The following MAN1C1 variants were observed in gnomAD, a reference collection of about 807,000 sequenced individuals.
MAN1C1 encodes mannosidase alpha class 1C member 1.
MAN1C1 carries 49 observed loss-of-function variants against 71.5 expected under a neutral mutation model. The ratio of observed to expected loss-of-function variants is 0.69; its 90% CI spans 0.54 to 0.87. MAN1C1 has a LOEUF of 0.87. Among genes scored for constraint, MAN1C1 ranks in the 40% least tolerant of loss-of-function variants. The probability of loss-of-function intolerance (pLI) is 0.00; values close to 1 mark genes in which losing one functional copy is unlikely to be tolerated. For missense variants in MAN1C1, 743 were observed against 835.0 expected, an observed-to-expected ratio of 0.89 and a Z score of 1.36; for synonymous variants, 352 against 343.7, an observed-to-expected ratio of 1.02 and a Z score of -0.27.
rs1417028304 is a variant in MAN1C1 at position 25,778,222 on chromosome 1, A to G, written c.1375A>G (p.Ile459Val). The change falls in exon 9 of 12, where the codon ATC becomes GTC. Residue 459 changes from isoleucine to valine, a missense_variant. Coordinates refer to ENST00000374332, the MANE Select transcript of MAN1C1 (RefSeq NM_020379.4). The surrounding 1 kb of genome is among the most constrained non-coding windows in gnomAD (Gnocchi z 5.5). ...GHLACFSGGMIALGAEDAKEE... is the reference protein window; with the variant it reads ...GHLACFSGGMVALGAEDAKEE... ...CCTGGCCTGTTTCTCCGGGGGCATGATCGCCCTTGGCGCCGAGGATGCCAA... is the reference window on the plus strand; with the variant it reads ...CCTGGCCTGTTTCTCCGGGGGCATGGTCGCCCTTGGCGCCGAGGATGCCAA... 4 of 1,613,980 alleles carry G rather than the reference A, an allele frequency of 2.5e-6. No homozygotes were observed. The Admixed American group carries it at 6.7e-5, about 27-fold the overall frequency.
chr1:25,745,022 C>T (rs1257059686), intron 2 of MAN1C1, among the ~76,000 whole-genome samples: 1 of 152,214 alleles, frequency 6.6e-6, no homozygotes, highest in Non-Finnish European at 1.5e-5. Context: ...TGGGAGGCGC[C>T]ACCTCTTTCA....
In MAN1C1 at chr1:25,617,661, C is replaced by T. The variant is rs1350062728; in HGVS notation, c.-137C>T. 3.9e-5 allele frequency: 26 copies of T among 666,424 alleles called. No homozygotes were observed. The East Asian group carries it at 8.2e-4, about 21-fold the overall frequency. The allele number at this position is 666,424 out of a possible 1,614,324, so 41.3% of individuals were successfully genotyped here. On this transcript the variant is annotated 5_prime_UTR_variant, in exon 1 of 12. Transcript: ENST00000374332. This position sits in a 1 kb window ranked among gnomAD's most constrained non-coding sequence, Gnocchi z 5.1. Reference sequence around the variant, plus strand: ...GAACTTCGGGGACAGTCCCCCGAAGCGGCGAAACTCTCAGGGTTGGCAACC... The same window carrying T: ...GAACTTCGGGGACAGTCCCCCGAAGTGGCGAAACTCTCAGGGTTGGCAACC...
At chr1:25,637,656 A>G (rs2045481818) in intron 1 of MAN1C1, among the ~76,000 whole-genome samples, 1 of 151,862 alleles carries the variant, frequency 6.6e-6, no homozygotes, top group Non-Finnish European at 1.5e-5. Flanking sequence ...ATTGCTTTCC[A>G]ACTCTAATTA....
chr1:25,749,160 G>A (rs866582908), intron 3 of MAN1C1, 95 bp from the exon 4 acceptor site: 12 of 993,720 alleles, frequency 1.2e-5, no homozygotes, highest in Middle Eastern at 2.9e-4. Flanking sequence ...CCGGGGACAG[G>A]TATGGGAGGA....
rs1361772991 is a variant in MAN1C1, at chr1:25,753,044, G to A, written c.835-440G>A. ...GTATCGTAGTCCTGCAGTGTGGGCA[G>A]GCATTGACCTTTGGAGACCGGCCCG... On this transcript the variant is annotated intron_variant, in intron 4 of 11. Transcript: ENST00000374332. This position sits in a 1 kb window ranked among gnomAD's most constrained non-coding sequence, Gnocchi z 4.9. Among the ~76,000 whole-genome samples the A allele has an allele frequency of 6.6e-6, 1 of 152,190 alleles. No individual in the cohort carries two copies. Among genetic ancestry groups the A allele is most frequent in the Non-Finnish European group, 1.5e-5 (1 of 68,042 alleles).
intron 7 of MAN1C1, among the ~76,000 whole-genome samples, chr1:25,767,523 C>A (rs1219913372): frequency 1.5e-5 from 2 of 134,968 alleles, no homozygotes; most frequent in Admixed American, 7.4e-5. Context: ...TTACATACTA[C>A]ATACACTCCT....
At chr1:25,656,937 C>T (rs1461257484) in intron 1 of MAN1C1, among the ~76,000 whole-genome samples, 1 of 151,940 alleles carries the variant, frequency 6.6e-6, no homozygotes, top group African/African-American at 2.4e-5. Flanking sequence ...ACCGTTCTCC[C>T]GCCTCAGCCT....
chr1:25,673,300 C>G (rs759068239), intron 1 of MAN1C1, among the ~76,000 whole-genome samples: 1 of 152,104 alleles, frequency 6.6e-6, no homozygotes, highest in Non-Finnish European at 1.5e-5. Context: ...TGTAACTGAT[C>G]CTTGCAGCAC....
At chr1:25,700,011 G>A (rs1001824816) in intron 2 of MAN1C1, among the ~76,000 whole-genome samples, 7 of 152,186 alleles carry the variant, frequency 4.6e-5, no homozygotes, top group Non-Finnish European at 5.9e-5. Flanking sequence ...AAGAGAGCCC[G>A]GAGGAAGACA....
chr1:25,676,592 G>T (rs951505340), intron 1 of MAN1C1, among the ~76,000 whole-genome samples: 1 of 152,204 alleles, frequency 6.6e-6, no homozygotes, highest in Non-Finnish European at 1.5e-5. Flanking sequence ...TGTCTACATA[G>T]TCATTAGATC....
chr1:25,741,033 T>A (rs1557787594), intron 2 of MAN1C1, among the ~76,000 whole-genome samples: 1 of 151,980 alleles, frequency 6.6e-6, no homozygotes, highest in East Asian at 1.9e-4. Flanking sequence ...TTGGTGTTAA[T>A]CAAGATGGGG....
intron 1 of MAN1C1, among the ~76,000 whole-genome samples, chr1:25,633,095 G>C (rs1039832564): frequency 3.3e-5 from 5 of 151,944 alleles, no homozygotes; most frequent in Admixed American, 6.6e-5. Flanking sequence ...CTTGATCTCT[G>C]ACCTCATGAT....
intron 2 of MAN1C1, among the ~76,000 whole-genome samples, chr1:25,704,416 A>T (rs535045392): frequency 6.6e-6 from 1 of 152,346 alleles, no homozygotes; most frequent in African/African-American, 2.4e-5. Context: ...CCAATCCCAG[A>T]CAGCAGGACC....
At chr1:25,660,759 T>C (rs2045836187) in intron 1 of MAN1C1, among the ~76,000 whole-genome samples, 1 of 151,392 alleles carries the variant, frequency 6.6e-6, no homozygotes, top group African/African-American at 2.4e-5. Context: ...GGTGCAGTCA[T>C]GGCTCACTGC....
At chr1:25,768,368 T>C (rs1334257666) in intron 7 of MAN1C1, among the ~76,000 whole-genome samples, 84 of 32,210 alleles carry the variant, frequency 2.6e-3, no homozygotes, top group Admixed American at 4.4e-3. Context: ...TTACATACAC[T>C]CCCCCCACAC....
intron 7 of MAN1C1, among the ~76,000 whole-genome samples, chr1:25,768,480 C>T (rs2047489463): frequency 8.1e-6 from 1 of 123,756 alleles, no homozygotes; most frequent in Admixed American, 8.1e-5. Context: ...ACACATTACA[C>T]ACTCCCCCAC....
chr1:25,754,546 G>C (rs1206028541), intron 5 of MAN1C1, among the ~76,000 whole-genome samples: 1 of 152,086 alleles, frequency 6.6e-6, no homozygotes, highest in Admixed American at 6.5e-5. Context: ...GGAGGGGGGT[G>C]CTCTCGGGGG....
intron 2 of MAN1C1, among the ~76,000 whole-genome samples, chr1:25,740,117 T>C (rs2124321791): frequency 6.6e-6 from 1 of 152,186 alleles, no homozygotes; most frequent in Non-Finnish European, 1.5e-5. Flanking sequence ...AGCAGATCCG[T>C]GCGTGATGCC....
At chr1:25,723,017 CAA>C (rs1375000745) in intron 2 of MAN1C1, among the ~76,000 whole-genome samples, 1 of 152,194 alleles carries the variant, frequency 6.6e-6, no homozygotes, top group African/African-American at 2.4e-5. Context: ...TCTTTGTCCT[CAA>C]TGTTTCATGA....
Sources: gnomAD v4.1 joint callset for allele counts (sites outside exome capture counted in the v4.1 genomes callset) on GRCh38, gnomAD v4.1.1 for gene constraint, Gnocchi (gnomAD v3.1) non-coding constraint, MANE v1.5 for transcripts, NCBI Gene and HGNC (gene_info 2026-07-23, HGNC 2026-07-21) for gene names.